Variants in AXDND1 observed in about 807,000 individuals in gnomAD.
AXDND1 encodes the protein axonemal dynein light chain domain-containing protein 1.
In AXDND1, 110 loss-of-function variants were observed where a neutral mutation model predicts 137.5. That is an observed-to-expected ratio of 0.80 (90% CI 0.69 to 0.94). The LOEUF is 0.94. Among genes scored for constraint, AXDND1 ranks in the 40% least tolerant of loss-of-function variants. The pLI is 0.00. For missense variants in AXDND1, 1,191 were observed against 1,169.8 expected (o/e 1.02, Z -0.26); for synonymous variants, 414 against 399.7 (o/e 1.04, Z -0.43).
At chr1:179,488,672 T>TTTCC in intron 18 of AXDND1, among the ~76,000 whole-genome samples, 1 of 137,748 alleles carries the variant, frequency 7.3e-6, no homozygotes, top group African/African-American at 3.0e-5. Context: ...TCTTTCTTTC[T>TTTCC]TTCTTTCTTT....
At chr1:179,537,690 G>A (rs1382765166) in intron 25 of AXDND1, among the ~76,000 whole-genome samples, 2 of 152,122 alleles carry the variant, frequency 1.3e-5, no homozygotes, top group African/African-American at 4.8e-5. Flanking sequence ...TTTGGTATCA[G>A]GATGATGCTG....
chr1:179,367,188 T>C (rs1294725150), intron 2 of AXDND1, among the ~76,000 whole-genome samples: 1 of 150,658 alleles, frequency 6.6e-6, no homozygotes, highest in Non-Finnish European at 1.5e-5. Flanking sequence ...GCCATTGCAT[T>C]CCAGTCTGGG....
intron 2 of AXDND1, among the ~76,000 whole-genome samples, chr1:179,368,213 C>T (rs1385762426): frequency 6.6e-6 from 1 of 152,172 alleles, no homozygotes; most frequent in Admixed American, 6.6e-5. Context: ...CTGCCCTAGT[C>T]AAGCAGGGTA....
chr1:179,525,722 G>C (rs915451794), intron 22 of AXDND1, among the ~76,000 whole-genome samples: 1 of 151,824 alleles, frequency 6.6e-6, no homozygotes, highest in Admixed American at 6.6e-5. Context: ...GTCTTGAACT[G>C]GTCTCAAGCG....
intron 12 of AXDND1, among the ~76,000 whole-genome samples, chr1:179,423,856 C>T (rs1012416800): frequency 6.6e-6 from 1 of 152,180 alleles, no homozygotes; most frequent in African/African-American, 2.4e-5. Flanking sequence ...TTTTAGGCTT[C>T]ATACTAGAGT....
At chr1:179,366,280 A>C (rs888556476) in intron 1 of AXDND1, 124 bp from the exon 2 acceptor site, 4 of 402,852 alleles carry the variant, frequency 9.9e-6, no homozygotes, top group Non-Finnish European at 1.8e-5. Flanking sequence ...TAACCCCAGA[A>C]CATAGAGGTC....
chr1:179,547,802 C>T (rs966749556), intron 25 of AXDND1, among the ~76,000 whole-genome samples: 5 of 152,144 alleles, frequency 3.3e-5, no homozygotes, highest in Admixed American at 1.3e-4. Context: ...CTGTCCCCAT[C>T]CCTACCCCCT....
chr1:179,435,772 G>A (rs1312684877), intron 15 of AXDND1, among the ~76,000 whole-genome samples: 1 of 152,144 alleles, frequency 6.6e-6, no homozygotes, highest in African/African-American at 2.4e-5. Flanking sequence ...CAGGACATAG[G>A]CATGGGCAAA....
intron 15 of AXDND1, among the ~76,000 whole-genome samples, chr1:179,438,160 G>GTAAATAAA (rs913785216): frequency 2.8e-5 from 1 of 36,150 alleles, no homozygotes; most frequent in Admixed American, 3.3e-4. Flanking sequence ...TCAAAAATAA[G>GTAAATAAA]TAAATAAATA....
intron 21 of AXDND1, among the ~76,000 whole-genome samples, chr1:179,520,201 A>G (rs1669921148): frequency 6.6e-6 from 1 of 152,124 alleles, no homozygotes; most frequent in Non-Finnish European, 1.5e-5. Context: ...TTGTTAATGT[A>G]TAGGGATGCT....
chr1:179,375,499 CATAT>C (rs5779020), intron 4 of AXDND1, among the ~76,000 whole-genome samples: 5 of 149,970 alleles, frequency 3.3e-5, no homozygotes, highest in Non-Finnish European at 7.4e-5. Context: ...TAATGTATAA[CATAT>C]AATGTATAAT....
At chr1:179,372,283 A>T (rs1668109286) in intron 4 of AXDND1, among the ~76,000 whole-genome samples, 1 of 152,224 alleles carries the variant, frequency 6.6e-6, no homozygotes, top group Admixed American at 6.5e-5. Context: ...AGATATTTTA[A>T]GCAGGAAAGA....
chr1:179,493,084 A>G (rs73036768), intron 20 of AXDND1, 133 bp downstream of exon 20: 55,390 of 558,944 alleles, frequency 0.099, 3,099 homozygotes, highest in African/African-American at 0.14. Flanking sequence ...ATATGCATAT[A>G]CTCATAAAAA....
intron 10 of AXDND1, among the ~76,000 whole-genome samples, chr1:179,394,592 A>AAAAATAAAATAAAAT (rs71111984): frequency 3.7e-5 from 5 of 135,790 alleles, no homozygotes; most frequent in Admixed American, 7.3e-5. Flanking sequence ...CCTGTCTCAG[A>AAAAATAAAATAAAAT]AAAATAAAAT....
chr1:179,442,842 G>A (rs12744251), intron 15 of AXDND1, among the ~76,000 whole-genome samples: 44,384 of 151,942 alleles, frequency 0.29, 6,688 homozygotes, highest in Non-Finnish European at 0.31. Context: ...TAGGGGGACT[G>A]AACAAAGTGG....
At chr1:179,497,570 G>A (rs1264678372) in intron 20 of AXDND1, among the ~76,000 whole-genome samples, 1 of 152,106 alleles carries the variant, frequency 6.6e-6, no homozygotes, top group African/African-American at 2.4e-5. Context: ...CAGGGCAAAA[G>A]CTTGAACCAT....
At chr1:179,390,937 G>C (rs181738946) in intron 9 of AXDND1, among the ~76,000 whole-genome samples, 61 of 152,192 alleles carry the variant, frequency 4.0e-4, no homozygotes, top group Non-Finnish European at 1.0e-4. Flanking sequence ...CTACTGAGTA[G>C]CTGGGATTAT....
chr1:179,383,594 A>C (rs1558099440), intron 8 of AXDND1, 50 bp downstream of exon 8: 1 of 1,400,948 alleles, frequency 7.1e-7, no homozygotes, highest in Non-Finnish European at 1.0e-6. Context: ...TGCACTCAGG[A>C]GGCAGATTGC....
intron 9 of AXDND1, 85 bp from the exon 10 acceptor site, chr1:179,393,818 G>T: frequency 1.6e-6 from 2 of 1,285,244 alleles, no homozygotes; most frequent in Non-Finnish European, 2.1e-6. Flanking sequence ...CAGTGCTACT[G>T]ATTTGTGTAC....
Sources: allele counts gnomAD v4.1 joint callset (sites outside exome capture counted in the v4.1 genomes callset), GRCh38; gene constraint gnomAD v4.1.1; transcripts MANE v1.5; gene names NCBI Gene and HGNC (gene_info 2026-07-23, HGNC 2026-07-21).